The following SCN1A variants were observed in gnomAD, a reference collection of about 807,000 sequenced individuals.
The protein encoded by SCN1A is sodium voltage-gated channel alpha subunit 1, also known as sodium channel protein type 1 subunit alpha.
In SCN1A, 13 loss-of-function variants were observed where a neutral mutation model predicts 193.7. The ratio of observed to expected loss-of-function variants is 0.07; its 90% CI spans 0.04 to 0.11. The LOEUF is 0.11. SCN1A is among the 10% of genes least tolerant of loss of function. SCN1A has a pLI of 1.00. For synonymous variants in SCN1A, 781 were observed against 843.6 expected (o/e 0.93, Z 1.29); for missense variants, 1,432 against 2,451.1 (o/e 0.58, Z 8.78).
intron 2 of SCN1A, among the ~76,000 whole-genome samples, chr2:166,101,922 A>G (rs1211088712): frequency 1.3e-5 from 2 of 152,334 alleles, no homozygotes; most frequent in Non-Finnish European, 2.9e-5. Context: ...AAAACTATCA[A>G]TAGAGTAAAC....
chr2:166,045,023 T>C lies in SCN1A; in HGVS notation c.1662+20A>G. 1.9e-6 allele frequency: 3 copies of C among 1,613,750 alleles called. No homozygotes were observed. The highest frequency in any genetic ancestry group is 2.5e-6 in the Non-Finnish European group (3 of 1,179,638). On this transcript the variant is annotated intron_variant, in intron 13 of 28. Transcript: ENST00000674923. Reference sequence around the variant, plus strand: ...GTTTTAATTTTCAACCATGCATCAGTAAACTCAGCAGTGCCATACCTGGTG... The same window carrying C: ...GTTTTAATTTTCAACCATGCATCAGCAAACTCAGCAGTGCCATACCTGGTG...
chr2:166,097,910 T>A (rs982426719), intron 2 of SCN1A, among the ~76,000 whole-genome samples: 3 of 152,174 alleles, frequency 2.0e-5, no homozygotes, highest in Non-Finnish European at 2.9e-5. Flanking sequence ...TAGAGTCTTG[T>A]AGAATTAGAA....
intron 4 of SCN1A, among the ~76,000 whole-genome samples, chr2:166,065,993 G>T (rs1162052765): frequency 6.6e-6 from 1 of 152,144 alleles, no homozygotes; most frequent in Non-Finnish European, 1.5e-5. Flanking sequence ...TTTAAACATT[G>T]TTGCCATATG....
In SCN1A at chr2:165,987,818, T is replaced by C. The variant is rs1214487059; in HGVS notation, c.*3427A>G. ...GTTTTACCAGTTCTTCTCTTTGTAT[T>C]TGGAAAGGTAACAGTGAGTAATGGC... On this transcript the variant is annotated 3_prime_UTR_variant, in exon 29 of 29. Transcript: ENST00000674923. 3 of 152,164 alleles carry C rather than the reference T, an allele frequency of 2.0e-5. No individual in the cohort carries two copies. Among genetic ancestry groups the C allele is most frequent in the Non-Finnish European group, 4.4e-5 (3 of 68,016 alleles). 9.4% of individuals were successfully genotyped at this position (152,164 alleles called of 1,614,324 possible). A position where few individuals can be genotyped will look rare whatever the true frequency, so the allele number is the denominator to read the frequency against.
At chr2:166,003,426 A>G (rs562273674) in intron 23 of SCN1A, among the ~76,000 whole-genome samples, 1 of 151,562 alleles carries the variant, frequency 6.6e-6, no homozygotes, top group South Asian at 2.1e-4. Flanking sequence ...GAAACATAAT[A>G]GAAATCATTT....
At chr2:166,094,803 C>CTCAATAATAACATTCAGAATGTTATTCT (rs1687200056) in intron 2 of SCN1A, among the ~76,000 whole-genome samples, 1 of 88,092 alleles carries the variant, frequency 1.1e-5, no homozygotes, top group Non-Finnish European at 2.6e-5. Context: ...GGGTACAGGG[C>CTCAATAATAACATTCAGAATGTTATTCT]TATCAGAGAT....
Position 165,991,505 on chromosome 2 carries a change from G to T in SCN1A, c.5770C>A (p.Arg1924Ser), listed in dbSNP as rs199988999. ...TTTAAAAGGTGGCGTCTGTAAGCAC[G>T]CTGAATAATGACAGCAGATACTTCC... The part of the protein sequence containing the change: ...QEEVSAVIIQ[R>S]AYRRHLLKRT... Residue 1924 changes from arginine to serine, a missense_variant, in exon 29 of 29, where the codon CGT (arginine) becomes AGT (serine). Physicochemically the swap from Arg to Ser is moderately radical, Grantham distance 110 (BLOSUM62 -1). This residue lies in a region of SCN1A where 148 missense variants were observed against 160.3 expected (regional missense o/e 0.92). Coordinates refer to ENST00000674923, the MANE Select transcript of SCN1A (RefSeq NM_001165963.4). The T allele has an allele frequency of 6.2e-7, 1 of 1,613,790 alleles. No homozygotes were observed. The highest frequency in any genetic ancestry group is 1.1e-5 in the South Asian group (1 of 91,086).
chr2:166,125,690 C>T (rs1691164086), intron 2 of SCN1A, among the ~76,000 whole-genome samples: 2 of 152,090 alleles, frequency 1.3e-5, no homozygotes, highest in Admixed American at 1.3e-4. Context: ...CTGGTTGCCC[C>T]TGGTATCTCT....
At position 166,067,566 on chromosome 2, in the gene SCN1A, A is replaced by T. The variant is rs538627346; in HGVS notation, c.264+5792T>A. Reference sequence around the variant, plus strand: ...GGAAACTCACTGGTCTAGTTTTAAAACTAGTCTTAGGCAAGTTATTTAAAC... The same window carrying T: ...GGAAACTCACTGGTCTAGTTTTAAATCTAGTCTTAGGCAAGTTATTTAAAC... On this transcript the variant is annotated intron_variant, in intron 4 of 28. Coordinates refer to ENST00000674923, the MANE Select transcript of SCN1A (RefSeq NM_001165963.4). 3.9e-5 allele frequency among the ~76,000 whole-genome samples: 6 copies of T among 152,228 alleles called. No individual in the cohort carries two copies. The East Asian group carries it at 9.6e-4, about 24-fold the overall frequency.
chr2:165,996,919 T>A (rs1204976265), intron 26 of SCN1A, among the ~76,000 whole-genome samples: 1 of 151,288 alleles, frequency 6.6e-6, no homozygotes, highest in African/African-American at 2.4e-5. Flanking sequence ...ATAAAATACA[T>A]AAAAGTCATA....
In SCN1A at chr2:165,998,155, A is replaced by G. The variant is rs1573984787; in HGVS notation, c.4359T>C (p.Tyr1453=). 3 of 1,605,498 alleles carry G rather than the reference A, an allele frequency of 1.9e-6. No individual in the cohort carries two copies. In the Middle Eastern group the frequency reaches 5.0e-4, roughly 269 times the overall value. ...AAAGATACATGTACAGACTTTCTTC[A>G]TACTTAGGCTGGAGTTCCACCTACC... The part of the protein sequence containing the change: ...DSRNVELQPK[Y]EESLYMYLYF... Residue 1453 remains tyrosine, a synonymous_variant, in exon 26 of 29, where the codon TAT becomes TAC. Coordinates refer to ENST00000674923, the MANE Select transcript of SCN1A (RefSeq NM_001165963.4).
chr2:166,022,588 G>A (rs1001163507), intron 19 of SCN1A, among the ~76,000 whole-genome samples: 3 of 152,028 alleles, frequency 2.0e-5, no homozygotes, highest in Admixed American at 2.0e-4. Context: ...CAAAATTTCT[G>A]GCCACTGTTG....
At chr2:166,103,719 T>A (rs981833679) in intron 2 of SCN1A, among the ~76,000 whole-genome samples, 5 of 152,086 alleles carry the variant, frequency 3.3e-5, no homozygotes, top group Non-Finnish European at 7.4e-5. Flanking sequence ...GATCTTTTAG[T>A]CACTTAGAAA....
chr2:166,000,026 C>G (rs1397799338), intron 24 of SCN1A: 2 of 518,046 alleles, frequency 3.9e-6, no homozygotes, highest in Non-Finnish European at 7.0e-6. Flanking sequence ...CTTTTCAATT[C>G]TTTAGAGTTC....
intron 27 of SCN1A, among the ~76,000 whole-genome samples, chr2:165,995,363 A>G (rs1475633232): frequency 1.3e-5 from 2 of 151,822 alleles, no homozygotes; most frequent in South Asian, 4.1e-4. Context: ...AAAAATATTT[A>G]TAGTGTGGGA....
At chr2:166,140,238 T>C (rs1692025560) in intron 1 of SCN1A, among the ~76,000 whole-genome samples, 2 of 152,110 alleles carry the variant, frequency 1.3e-5, no homozygotes, top group African/African-American at 4.8e-5. Context: ...CAATATCACA[T>C]TATTAAAATT....
At chr2:166,047,488 T>A in intron 11 of SCN1A, 139 bp downstream of exon 11, 1 of 945,432 alleles carries the variant, frequency 1.1e-6, no homozygotes, top group South Asian at 1.4e-5. Context: ...TGTGTTATAA[T>A]CAATAGGATA....
chr2:166,014,501 T>A (rs1692983325), intron 20 of SCN1A, among the ~76,000 whole-genome samples: 1 of 151,246 alleles, frequency 6.6e-6, no homozygotes, highest in Admixed American at 6.6e-5. Context: ...CTGAGTACCA[T>A]TGTAAGCACA....
intron 4 of SCN1A, among the ~76,000 whole-genome samples, chr2:166,067,699 G>GTTT: frequency 8.2e-6 from 1 of 122,352 alleles, no homozygotes; most frequent in Non-Finnish European, 1.7e-5. Context: ...AGAGTACATA[G>GTTT]CTTTTTTTTT....
Sources: gnomAD v4.1 joint callset for allele counts (sites outside exome capture counted in the v4.1 genomes callset) on GRCh38, gnomAD v4.1.1 for gene constraint, gnomAD v4.1.1 regional missense constraint, MANE v1.5 for transcripts, NCBI Gene and HGNC (gene_info 2026-07-23, HGNC 2026-07-21) for gene names.